FRAS1: variants seen among roughly 807,000 people sequenced by gnomAD.
The protein encoded by FRAS1 is extracellular matrix organizing protein FRAS1.
A neutral mutation model predicts 435.2 loss-of-function variants in FRAS1; 290 were observed. The ratio of observed to expected loss-of-function variants is 0.67; its 90% CI spans 0.61 to 0.73. FRAS1 has a LOEUF of 0.73. FRAS1 is among the 30% of genes least tolerant of loss of function. The pLI, the probability that FRAS1 is intolerant of heterozygous loss-of-function variation, is 0.00. For synonymous variants in FRAS1, 1,800 were observed against 1,851.0 expected (o/e 0.97, Z 0.71); for missense variants, 4,860 against 5,001.5 (o/e 0.97, Z 0.85).
intron 71 of FRAS1, 115 bp from the exon 72 acceptor site, chr4:78,536,880 C>T: frequency 1.4e-6 from 1 of 705,014 alleles, no homozygotes; most frequent in Non-Finnish European, 2.4e-6. Context: ...TGGAGCTCTT[C>T]ATAGAAAAGT....
Position 78,402,782 on chromosome 4 carries a change from A to G in FRAS1, c.4129+1895A>G, listed in dbSNP as rs139941691. 1.2e-3 allele frequency among the ~76,000 whole-genome samples: 180 copies of G among 152,206 alleles called. 1 individual carries two copies. The highest frequency in any genetic ancestry group is 4.1e-3 in the African/African-American group (169 of 41,532). Reference sequence around the variant, plus strand: ...TGCCACGTCTTCTTGGTTTCCTCCAATCTGCGACACACACTTCCTCCGTCT... The same window carrying G: ...TGCCACGTCTTCTTGGTTTCCTCCAGTCTGCGACACACACTTCCTCCGTCT... On this transcript the variant is annotated intron_variant, in intron 30 of 73. Coordinates refer to ENST00000512123, the MANE Select transcript of FRAS1 (RefSeq NM_025074.7).
At chr4:78,188,319 AATCT>A (rs1311763806) in intron 2 of FRAS1, among the ~76,000 whole-genome samples, 1 of 6,200 alleles carries the variant, frequency 1.6e-4, no homozygotes, top group African/African-American at 2.2e-4. Context: ...CTATCTATCT[AATCT>A]ATCTATCTAT....
chr4:78,514,414 G>A (rs919397696), intron 65 of FRAS1, among the ~76,000 whole-genome samples: 1 of 152,204 alleles, frequency 6.6e-6, no homozygotes, highest in African/African-American at 2.4e-5. Context: ...CACAAATGAT[G>A]AAACACTTAA....
intron 27 of FRAS1, among the ~76,000 whole-genome samples, chr4:78,383,656 A>AT (rs888180607): frequency 1.3e-5 from 2 of 152,208 alleles, no homozygotes; most frequent in Admixed American, 1.3e-4. Context: ...TAGGAAGAGC[A>AT]TTTGTTGGGA....
intron 2 of FRAS1, among the ~76,000 whole-genome samples, chr4:78,212,625 C>G (rs553926617): frequency 2.1e-4 from 32 of 152,216 alleles, no homozygotes; most frequent in African/African-American, 6.3e-4. Context: ...ATGTTCATAC[C>G]TTTTACTATA....
chr4:78,204,014 G>A (rs920716715), intron 2 of FRAS1, among the ~76,000 whole-genome samples: 1 of 152,192 alleles, frequency 6.6e-6, no homozygotes, highest in Non-Finnish European at 1.5e-5. Context: ...AGTACAAAAA[G>A]GCTGTGATAT....
At chr4:78,305,168 G>T (rs976744851) in intron 14 of FRAS1, among the ~76,000 whole-genome samples, 7 of 151,860 alleles carry the variant, frequency 4.6e-5, no homozygotes, top group African/African-American at 1.7e-4. Context: ...GTAGTTGAGT[G>T]GTTTTGAGTG....
chr4:78,467,901 G>A (rs1489668383), intron 50 of FRAS1, among the ~76,000 whole-genome samples: 1 of 152,030 alleles, frequency 6.6e-6, no homozygotes, highest in Non-Finnish European at 1.5e-5. Flanking sequence ...CAAATCTTTT[G>A]CCCAATTTAA....
chr4:78,065,083 T>TACAC (rs1553915421), intron 1 of FRAS1, among the ~76,000 whole-genome samples: 1 of 140,596 alleles, frequency 7.1e-6, no homozygotes, highest in African/African-American at 2.6e-5. Flanking sequence ...TATATATATA[T>TACAC]ACATACACAC....
chr4:78,255,359 C>T lies in FRAS1; in HGVS notation c.587C>T (p.Pro196Leu), dbSNP rs1725744391. 6.3e-7 allele frequency: 1 copy of T among 1,593,112 alleles called. No individual in the cohort carries two copies. Among genetic ancestry groups the T allele is most frequent in the African/African-American group, 1.3e-5 (1 of 74,780 alleles). ...VAQCFTAQCQ[P>L]LFCNQDETVV... ...CAGTGCTTCACAGCTCAGTGTCAGCCTCTATTTTGTAACCAGGTAAGGAAG... is the reference window on the plus strand; with the variant it reads ...CAGTGCTTCACAGCTCAGTGTCAGCTTCTATTTTGTAACCAGGTAAGGAAG... The change falls in exon 6 of 74, where the codon CCT becomes CTT. Residue 196 changes from proline (P) to leucine (L), a missense_variant. Pro to Leu is a moderately conservative substitution (Grantham distance 98, BLOSUM62 -3). Coordinates refer to ENST00000512123, the MANE Select transcript of FRAS1 (RefSeq NM_025074.7).
At chr4:78,167,873 TTAAAC>T (rs1721398229) in intron 2 of FRAS1, among the ~76,000 whole-genome samples, 1 of 152,064 alleles carries the variant, frequency 6.6e-6, no homozygotes, top group Admixed American at 6.5e-5. Flanking sequence ...TTTGATACCT[TTAAAC>T]TAAGTTCTTT....
chr4:78,519,182 AGT>A, intron 66 of FRAS1, 147 bp from the exon 67 acceptor site: 1 of 402,974 alleles, frequency 2.5e-6, no homozygotes, highest in Non-Finnish European at 4.3e-6. Context: ...TTTTTAAATA[AGT>A]AAGTGCAATC....
intron 20 of FRAS1, among the ~76,000 whole-genome samples, chr4:78,347,787 G>GT (rs554835851): frequency 2.4e-3 from 132 of 55,078 alleles, no homozygotes; most frequent in Middle Eastern, 0.011. Flanking sequence ...GTGTGTGTGT[G>GT]TTTTTTTTTT....
At chr4:78,124,823 C>T (rs898878931) in intron 2 of FRAS1, among the ~76,000 whole-genome samples, 1 of 151,896 alleles carries the variant, frequency 6.6e-6, no homozygotes, top group Non-Finnish European at 1.5e-5. Flanking sequence ...TGGTGATATC[C>T]CCTTTATCAA....
intron 9 of FRAS1, among the ~76,000 whole-genome samples, chr4:78,276,366 G>A (rs897083643): frequency 6.6e-6 from 1 of 152,204 alleles, no homozygotes; most frequent in Non-Finnish European, 1.5e-5. Context: ...GAGGAGCTGT[G>A]TTCCTTTGGA....
chr4:78,337,433 C>T (rs771789740), intron 19 of FRAS1, among the ~76,000 whole-genome samples: 6 of 152,100 alleles, frequency 3.9e-5, no homozygotes, highest in Non-Finnish European at 7.4e-5. Flanking sequence ...AATGTGTGGC[C>T]GATTTCTCAC....
At position 78,422,026 on chromosome 4, in the gene FRAS1, G is replaced by A. The variant is rs6835875; in HGVS notation, c.4678+26G>A. The A allele has an allele frequency of 4.0e-3, 6,411 of 1,591,340 alleles. 173 individuals are homozygous for A. The African/African-American group carries it at 0.068, about 17-fold the overall frequency. ...GTAATGCTCTCCTCTCTGCTTTGAGGCACCCAACTGCTCTCTGTGGCTCTA... is the reference window on the plus strand; with the variant it reads ...GTAATGCTCTCCTCTCTGCTTTGAGACACCCAACTGCTCTCTGTGGCTCTA... On this transcript the variant is annotated intron_variant, in intron 34 of 73. Coordinates refer to ENST00000512123, the MANE Select transcript of FRAS1 (RefSeq NM_025074.7).
intron 2 of FRAS1, among the ~76,000 whole-genome samples, chr4:78,132,006 C>G (rs1050956982): frequency 1.3e-5 from 2 of 152,174 alleles, no homozygotes; most frequent in African/African-American, 2.4e-5. Context: ...GCTGTTAAAA[C>G]CCTTCTTTAT....
chr4:78,387,233 G>A, intron 28 of FRAS1, 142 bp from the exon 29 acceptor site: 1 of 581,584 alleles, frequency 1.7e-6, no homozygotes, highest in South Asian at 2.9e-5. Context: ...TCTGACGAAT[G>A]TGTTCACCAT....
Sources: gnomAD v4.1 joint callset for allele counts (sites outside exome capture counted in the v4.1 genomes callset) on GRCh38, gnomAD v4.1.1 for gene constraint, MANE v1.5 for transcripts, NCBI Gene and HGNC (gene_info 2026-07-23, HGNC 2026-07-21) for gene names.